Variants in NALCN observed in about 807,000 individuals in gnomAD.
The protein encoded by NALCN is sodium leak channel NALCN.
In NALCN, 111 loss-of-function variants were observed where a neutral mutation model predicts 225.3. The observed-to-expected ratio is 0.49, with a 90% CI of 0.42 to 0.58. The LOEUF is 0.58. Ranked by LOEUF, NALCN falls within the 20% of genes least tolerant of loss-of-function variation. NALCN has a pLI of 0.00. For synonymous variants in NALCN, 764 were observed against 769.0 expected (o/e 0.99, Z 0.11); for missense variants, 1,378 against 2,202.4 (o/e 0.63, Z 7.49).
At chr13:101,339,913 A>G (rs1164958568) in intron 7 of NALCN, among the ~76,000 whole-genome samples, 1 of 152,174 alleles carries the variant, frequency 6.6e-6, no homozygotes, top group African/African-American at 2.4e-5. Flanking sequence ...AATGCTAGTC[A>G]TTGATTGGAA....
chr13:101,180,251 G>C (rs2039145486), intron 14 of NALCN: 2 of 137,102 alleles, frequency 1.5e-5, no homozygotes, highest in Admixed American at 1.6e-4. Flanking sequence ...TTGTCACCCA[G>C]GCTGGAGTGC....
At chr13:101,330,750 T>C (rs2045137879) in intron 7 of NALCN, among the ~76,000 whole-genome samples, 1 of 152,164 alleles carries the variant, frequency 6.6e-6, no homozygotes. Flanking sequence ...TGGGAGGTAA[T>C]TGAATCATGG....
chr13:101,259,640 A>G (rs976181872), intron 10 of NALCN, among the ~76,000 whole-genome samples: 1 of 150,420 alleles, frequency 6.6e-6, no homozygotes, highest in African/African-American at 2.4e-5. Flanking sequence ...GGCCATAATG[A>G]GTATTATTAT....
chr13:101,286,956 C>T (rs937265147), intron 9 of NALCN, among the ~76,000 whole-genome samples: 1 of 151,918 alleles, frequency 6.6e-6, no homozygotes, highest in Non-Finnish European at 1.5e-5. Context: ...ATCAGCATAT[C>T]TTCACATCAA....
At chr13:101,214,784 A>G (rs146346569) in intron 13 of NALCN, among the ~76,000 whole-genome samples, 3 of 152,234 alleles carry the variant, frequency 2.0e-5, no homozygotes, top group Admixed American at 2.0e-4. Context: ...GAGATACTTG[A>G]GCAAAGCTAT....
chr13:101,183,379 TTGAC>T (rs1217973412), intron 14 of NALCN, among the ~76,000 whole-genome samples: 1 of 152,204 alleles, frequency 6.6e-6, no homozygotes, highest in African/African-American at 2.4e-5. Context: ...CCTTTGTGTT[TTGAC>T]TGTTCTAAAT....
At chr13:101,401,443 A>G (rs556343074) in intron 1 of NALCN, among the ~76,000 whole-genome samples, 1 of 152,326 alleles carries the variant, frequency 6.6e-6, no homozygotes, top group African/African-American at 2.4e-5. Context: ...CAAAGGAGCA[A>G]GTAAAAGAGT....
chr13:101,246,119 G>A lies in NALCN; in HGVS notation c.1267-8197C>T, dbSNP rs548476714. Among the ~76,000 whole-genome samples the A allele has an allele frequency of 7.9e-5, 12 of 152,122 alleles. No individual in the cohort carries two copies. The East Asian group carries it at 1.4e-3, about 17-fold the overall frequency. Reference sequence around the variant, plus strand: ...TCTTTCTTTCCTTGCTTTGCTGTGCGTTTTGTCCAGTTCTTTATTCAAAAC... The same window carrying A: ...TCTTTCTTTCCTTGCTTTGCTGTGCATTTTGTCCAGTTCTTTATTCAAAAC... On this transcript the variant is annotated intron_variant, in intron 11 of 43. Transcript: ENST00000251127.
At chr13:101,325,364 A>C (rs897989736) in intron 7 of NALCN, among the ~76,000 whole-genome samples, 1 of 152,110 alleles carries the variant, frequency 6.6e-6, no homozygotes, top group Non-Finnish European at 1.5e-5. Context: ...GCAATTTGCA[A>C]TGTGGGCACT....
At chr13:101,169,331 T>TAAAAAAAAAAA (rs2038603414) in intron 15 of NALCN, among the ~76,000 whole-genome samples, 2 of 148,698 alleles carry the variant, frequency 1.3e-5, no homozygotes, top group African/African-American at 4.8e-5. Context: ...TGCCATTATG[T>TAAAAAAAAAAA]ATTTTTAAAA....
intron 15 of NALCN, among the ~76,000 whole-genome samples, chr13:101,149,253 A>G (rs2037515316): frequency 6.6e-6 from 1 of 151,282 alleles, no homozygotes; most frequent in African/African-American, 2.4e-5. Flanking sequence ...AGATTGTGCC[A>G]CTGCACTCCA....
chr13:101,187,213 GTTA>G (rs938857551), intron 14 of NALCN, among the ~76,000 whole-genome samples: 6 of 152,016 alleles, frequency 3.9e-5, no homozygotes, highest in Middle Eastern at 3.2e-3. Context: ...GTTCTATTTT[GTTA>G]TTATTGTTGT....
At chr13:101,076,899 G>C (rs529469468) in intron 34 of NALCN, among the ~76,000 whole-genome samples, 1 of 152,124 alleles carries the variant, frequency 6.6e-6, no homozygotes, top group Non-Finnish European at 1.5e-5. Flanking sequence ...GTTGCATTTC[G>C]ATATGGTTTG....
rs762037153 is a variant in NALCN at position 101,345,366 on chromosome 13, T to C, written c.699A>G (p.Leu233=). 7 of 1,613,834 alleles carry C rather than the reference T, an allele frequency of 4.3e-6. No individual in the cohort carries two copies. Among genetic ancestry groups the C allele is most frequent in the African/African-American group, 2.7e-5 (2 of 75,018 alleles). The change falls in exon 7 of 44, where the codon CTA becomes CTG. Residue 233 remains leucine (L), a synonymous_variant. Transcript: ENST00000251127. ...AIPDTHCSPE[L]EEGYQCPPGF... Reference sequence around the variant, plus strand: ...CAGGTGGGCACTGGTAGCCTTCTTCTAGCTCTGGTGAGCAGTGTGTGTCTG... The same window carrying C: ...CAGGTGGGCACTGGTAGCCTTCTTCCAGCTCTGGTGAGCAGTGTGTGTCTG...
intron 15 of NALCN, among the ~76,000 whole-genome samples, chr13:101,173,873 A>G (rs977973810): frequency 6.6e-6 from 1 of 152,198 alleles, no homozygotes; most frequent in Admixed American, 6.5e-5. Context: ...GAATCTGTAA[A>G]AGACAGTCTA....
chr13:101,144,406 T>C (rs985967262), intron 16 of NALCN, among the ~76,000 whole-genome samples: 5 of 152,120 alleles, frequency 3.3e-5, no homozygotes, highest in Admixed American at 3.3e-4. Context: ...TCTCATACGG[T>C]TGGGGTCTGA....
At chr13:101,191,807 G>A (rs1334438980) in intron 14 of NALCN, 110 bp downstream of exon 14, 6 of 1,088,346 alleles carry the variant, frequency 5.5e-6, no homozygotes, top group Non-Finnish European at 7.8e-6. Flanking sequence ...AGATTAGTCT[G>A]CATTAGTCCT....
At chr13:101,118,655 C>T (rs931169051) in intron 18 of NALCN, among the ~76,000 whole-genome samples, 2 of 152,120 alleles carry the variant, frequency 1.3e-5, no homozygotes, top group Admixed American at 6.6e-5. Flanking sequence ...CAACAATAAC[C>T]AGGCAGACTT....
At chr13:101,088,535 A>G (rs531090308) in intron 30 of NALCN, among the ~76,000 whole-genome samples, 50 of 152,312 alleles carry the variant, frequency 3.3e-4, no homozygotes, top group African/African-American at 1.2e-3. Context: ...ATCACACCTT[A>G]TAAGCCCCAG....
Sources: gnomAD v4.1 joint callset for allele counts (sites outside exome capture counted in the v4.1 genomes callset) on GRCh38, gnomAD v4.1.1 for gene constraint, MANE v1.5 for transcripts, NCBI Gene and HGNC (gene_info 2026-07-23, HGNC 2026-07-21) for gene names.